The following DAPK2 variants were observed in gnomAD, a reference collection of about 807,000 sequenced individuals.
The protein encoded by DAPK2 is death-associated protein kinase 2.
A neutral mutation model predicts 44.1 loss-of-function variants in DAPK2; 35 were observed. The ratio of observed to expected loss-of-function variants is 0.79; its 90% confidence interval spans 0.61 to 1.05. DAPK2 has a LOEUF of 1.05. Ranked by LOEUF, DAPK2 falls within the 50% of genes least tolerant of loss-of-function variation. The probability of loss-of-function intolerance (pLI) is 0.00; values close to 1 mark genes in which losing one functional copy is unlikely to be tolerated. For synonymous variants in DAPK2, 174 were observed against 182.6 expected, an observed-to-expected ratio of 0.95 and a Z score of 0.38; for missense variants, 453 against 483.2, an observed-to-expected ratio of 0.94 and a Z score of 0.59.
At chr15:63,944,809 C>T (rs1464266527) in intron 3 of DAPK2, among the ~76,000 whole-genome samples, 1 of 152,192 alleles carries the variant, frequency 6.6e-6, no homozygotes, top group Non-Finnish European at 1.5e-5. Context: ...AATGCCCCAC[C>T]TGATATTTGA....
intron 1 of DAPK2, among the ~76,000 whole-genome samples, chr15:64,004,624 C>T (rs577535487): frequency 9.2e-5 from 14 of 152,310 alleles, no homozygotes; most frequent in African/African-American, 3.4e-4. Flanking sequence ...CTCTGCTAGG[C>T]CTCAATGGAA....
chr15:63,967,331 C>T (rs2078082332), intron 3 of DAPK2, among the ~76,000 whole-genome samples: 1 of 152,132 alleles, frequency 6.6e-6, no homozygotes, highest in Non-Finnish European at 1.5e-5. Flanking sequence ...TCAGTGAAGG[C>T]TTCTATTCGG....
chr15:63,927,924 T>A (rs2079355458), intron 6 of DAPK2, among the ~76,000 whole-genome samples: 1 of 152,084 alleles, frequency 6.6e-6, no homozygotes, highest in Non-Finnish European at 1.5e-5. Flanking sequence ...TTTTGTTTTG[T>A]TTTTTGTAGA....
chr15:63,991,471 T>C, intron 1 of DAPK2: 3 of 373,536 alleles, frequency 8.0e-6, no homozygotes, highest in South Asian at 5.9e-5. Context: ...GTCTTTCTAG[T>C]TCCTTGACGA....
chr15:64,011,212 G>C (rs2079380853), intron 1 of DAPK2, among the ~76,000 whole-genome samples: 1 of 152,134 alleles, frequency 6.6e-6, no homozygotes, highest in African/African-American at 2.4e-5. Flanking sequence ...CGTGACTTCT[G>C]GCACCAAGTC....
chr15:64,018,544 A>G (rs1407624766), intron 1 of DAPK2, among the ~76,000 whole-genome samples: 1 of 152,158 alleles, frequency 6.6e-6, no homozygotes, highest in Non-Finnish European at 1.5e-5. Context: ...CAGCCAGCAG[A>G]TGAAAGTCCC....
At chr15:63,975,201 G>C (rs941490454) in intron 2 of DAPK2, among the ~76,000 whole-genome samples, 1 of 152,120 alleles carries the variant, frequency 6.6e-6, no homozygotes, top group African/African-American at 2.4e-5. Flanking sequence ...CTCAGGAAGG[G>C]TTCTAGGCCA....
chr15:64,035,604 T>C (rs2080158522), intron 1 of DAPK2, among the ~76,000 whole-genome samples: 1 of 152,228 alleles, frequency 6.6e-6, no homozygotes. Flanking sequence ...CTTAGCCTCA[T>C]CTACAAAATG....
At chr15:63,929,706 T>C in intron 5 of DAPK2, 129 bp from the exon 7 acceptor site, 1 of 1,041,944 alleles carries the variant, frequency 9.6e-7, no homozygotes, top group Non-Finnish European at 1.5e-6. Context: ...TGCCGTCTCA[T>C]GCTCCACACC....
At chr15:63,962,136 G>T (rs2077919827) in intron 3 of DAPK2, among the ~76,000 whole-genome samples, 1 of 152,086 alleles carries the variant, frequency 6.6e-6, no homozygotes, top group Admixed American at 6.6e-5. Context: ...GATCAAATCA[G>T]CTACTGAAGC....
chr15:63,952,257 T>C (rs1449954390), intron 3 of DAPK2, among the ~76,000 whole-genome samples: 1 of 152,058 alleles, frequency 6.6e-6, no homozygotes, highest in Non-Finnish European at 1.5e-5. Context: ...GAAAAAAAAG[T>C]TTGTACAAAG....
intron 1 of DAPK2, among the ~76,000 whole-genome samples, chr15:64,024,359 G>A (rs2079775530): frequency 6.6e-6 from 1 of 152,194 alleles, no homozygotes. Flanking sequence ...ATGTGAGCAT[G>A]CCCTGGGGAG....
At chr15:63,953,183 T>C (rs1011952950) in intron 3 of DAPK2, among the ~76,000 whole-genome samples, 1 of 151,674 alleles carries the variant, frequency 6.6e-6, no homozygotes, top group African/African-American at 2.4e-5. Context: ...TCTTGTGCCT[T>C]TGCAACCTCA....
chr15:64,014,882 A>G (rs1277564880), intron 1 of DAPK2, among the ~76,000 whole-genome samples: 1 of 151,564 alleles, frequency 6.6e-6, no homozygotes, highest in Non-Finnish European at 1.5e-5. Context: ...ATCGTGAAAT[A>G]GAGCCACTTC....
intron 1 of DAPK2, among the ~76,000 whole-genome samples, chr15:64,009,303 C>T (rs2079321630): frequency 6.6e-6 from 1 of 152,090 alleles, no homozygotes; most frequent in Non-Finnish European, 1.5e-5. Flanking sequence ...AGTACAGCTT[C>T]CTGATCAGTG....
At chr15:63,983,011 T>G (rs975801176) in intron 2 of DAPK2, among the ~76,000 whole-genome samples, 1 of 152,256 alleles carries the variant, frequency 6.6e-6, no homozygotes, top group Non-Finnish European at 1.5e-5. Context: ...TAGGACTCTC[T>G]AAATAATAGC....
At chr15:63,929,401 A>T in intron 6 of DAPK2, 150 bp downstream of exon 7, 7 of 952,710 alleles carry the variant, frequency 7.3e-6, no homozygotes, top group Non-Finnish European at 1.1e-5. Flanking sequence ...GACCTACAGC[A>T]CTTAGCCTCA....
At chr15:64,008,856 C>T (rs2079309121) in intron 1 of DAPK2, among the ~76,000 whole-genome samples, 1 of 152,204 alleles carries the variant, frequency 6.6e-6, no homozygotes, top group Non-Finnish European at 1.5e-5. Context: ...CTGCTGTCAT[C>T]CAATCAAGGG....
intron 1 of DAPK2, among the ~76,000 whole-genome samples, chr15:64,019,751 T>C (rs1342851154): frequency 1.3e-5 from 2 of 152,182 alleles, no homozygotes; most frequent in Non-Finnish European, 2.9e-5. Context: ...AGCCAGACAG[T>C]GCAGACAGGA....
Sources: allele counts gnomAD v4.1 joint callset (sites outside exome capture counted in the v4.1 genomes callset), GRCh38; gene constraint gnomAD v4.1.1; transcripts MANE v1.5; gene names NCBI Gene and HGNC (gene_info 2026-07-23, HGNC 2026-07-21).